Variants in TMEM163 observed in about 807,000 individuals in gnomAD.
The protein encoded by TMEM163 is transmembrane protein 163.
TMEM163 carries 17 observed loss-of-function variants against 29.3 expected under a neutral mutation model. That is an observed-to-expected ratio of 0.58 (90% CI 0.40 to 0.87). The LOEUF is 0.87. Ranked by LOEUF, TMEM163 falls within the 40% of genes least tolerant of loss-of-function variation. The pLI is 0.00. For synonymous variants in TMEM163, 157 were observed against 160.6 expected (o/e 0.98, Z 0.17); for missense variants, 303 against 381.5 (o/e 0.79, Z 1.71).
intron 4 of TMEM163, among the ~76,000 whole-genome samples, chr2:134,546,089 T>TA: frequency 6.6e-6 from 1 of 152,206 alleles, no homozygotes; most frequent in Middle Eastern, 3.4e-3. Context: ...ATTTGGAACT[T>TA]AAAAAAACTA....
intron 2 of TMEM163, among the ~76,000 whole-genome samples, chr2:134,605,776 A>AT (rs1281562485): frequency 3.3e-5 from 5 of 152,274 alleles, no homozygotes; most frequent in Admixed American, 1.3e-4. Flanking sequence ...TGTGACACTG[A>AT]TTGAGTCTGA....
At chr2:134,550,468 C>A in intron 4 of TMEM163, 102 bp downstream of exon 4, 2 of 1,125,304 alleles carry the variant, frequency 1.8e-6, no homozygotes, top group Admixed American at 1.9e-5. Context: ...TTCTTCTCAT[C>A]ACTGGGACAA....
chr2:134,459,458 G>A (rs551037648), intron 6 of TMEM163, among the ~76,000 whole-genome samples: 106 of 152,122 alleles, frequency 7.0e-4, no homozygotes, highest in African/African-American at 2.3e-3. Flanking sequence ...TGGTTCTTGC[G>A]ATGTTCCTCC....
intron 2 of TMEM163, among the ~76,000 whole-genome samples, chr2:134,632,414 T>G (rs891760609): frequency 6.6e-6 from 1 of 152,252 alleles, no homozygotes; most frequent in African/African-American, 2.4e-5. Context: ...AGACATGGGA[T>G]GGACTGCAGT....
At chr2:134,665,524 A>G (rs1385907036) in intron 2 of TMEM163, among the ~76,000 whole-genome samples, 1 of 152,192 alleles carries the variant, frequency 6.6e-6, no homozygotes, top group Non-Finnish European at 1.5e-5. Flanking sequence ...CAGCCCAACC[A>G]TATCAACATC....
At chr2:134,483,458 C>T (rs1679244031) in intron 5 of TMEM163, among the ~76,000 whole-genome samples, 2 of 152,174 alleles carry the variant, frequency 1.3e-5, no homozygotes, top group South Asian at 4.1e-4. Flanking sequence ...CACCAACACC[C>T]CAGTATCAAA....
chr2:134,583,368 C>G (rs1348256423), intron 2 of TMEM163, among the ~76,000 whole-genome samples: 1 of 152,154 alleles, frequency 6.6e-6, no homozygotes, highest in East Asian at 1.9e-4. Flanking sequence ...AAATAGTTCG[C>G]ATCATTATTA....
chr2:134,509,894 A>AG (rs1248943883), intron 4 of TMEM163, among the ~76,000 whole-genome samples: 1 of 152,250 alleles, frequency 6.6e-6, no homozygotes, highest in East Asian at 1.9e-4. Flanking sequence ...AGAAACTAGA[A>AG]GGCTTTGGAG....
At chr2:134,640,346 T>C (rs1683197026) in intron 2 of TMEM163, among the ~76,000 whole-genome samples, 1 of 152,100 alleles carries the variant, frequency 6.6e-6, no homozygotes, top group Non-Finnish European at 1.5e-5. Flanking sequence ...GATAAAACTT[T>C]ACCCATCAAT....
chr2:134,649,643 C>T (rs886666371), intron 2 of TMEM163, among the ~76,000 whole-genome samples: 3 of 152,026 alleles, frequency 2.0e-5, no homozygotes, highest in South Asian at 4.2e-4. Flanking sequence ...TTTTAATAAC[C>T]GAAACTTTGA....
intron 2 of TMEM163, among the ~76,000 whole-genome samples, chr2:134,572,007 G>A (rs2104785872): frequency 6.6e-6 from 1 of 152,316 alleles, no homozygotes; most frequent in South Asian, 2.1e-4. Context: ...CTACTTACTA[G>A]CTATGTTGCC....
At chr2:134,591,968 G>A (rs1205061556) in intron 2 of TMEM163, among the ~76,000 whole-genome samples, 2 of 151,804 alleles carry the variant, frequency 1.3e-5, no homozygotes, top group African/African-American at 4.8e-5. Context: ...GCTACTATGA[G>A]TGACCATGGC....
At chr2:134,575,905 G>A in intron 2 of TMEM163, among the ~76,000 whole-genome samples, 1 of 152,098 alleles carries the variant, frequency 6.6e-6, no homozygotes, top group African/African-American at 2.4e-5. Context: ...TGAGACTCCT[G>A]GGGACCCAAC....
chr2:134,659,787 T>C lies in TMEM163; in HGVS notation c.322+53413A>G, dbSNP rs762200048. Among the ~76,000 whole-genome samples the C allele has an allele frequency of 2.9e-4, 44 of 151,464 alleles. 1 individual carries two copies. The highest frequency in any genetic ancestry group is 5.3e-4 in the Non-Finnish European group (36 of 67,896). Reference sequence around the variant, plus strand: ...AGATTAACCCCATCTCTACGAAAAATTTAAAAATCAGCTGGGGGTGGTGGT... The same window carrying C: ...AGATTAACCCCATCTCTACGAAAAACTTAAAAATCAGCTGGGGGTGGTGGT... On this transcript the variant is annotated intron_variant, in intron 2 of 7. Coordinates refer to ENST00000281924, the MANE Select transcript of TMEM163 (RefSeq NM_030923.5).
At chr2:134,504,728 G>A (rs1435470211) in intron 4 of TMEM163, among the ~76,000 whole-genome samples, 1 of 152,152 alleles carries the variant, frequency 6.6e-6, no homozygotes, top group African/African-American at 2.4e-5. Flanking sequence ...GATCCACCAG[G>A]GGCAGAAGAG....
chr2:134,705,916 C>G (rs1684800787), intron 2 of TMEM163, among the ~76,000 whole-genome samples: 1 of 152,222 alleles, frequency 6.6e-6, no homozygotes, highest in Non-Finnish European at 1.5e-5. Context: ...GATGAGCCCA[C>G]CTGGGGCTCG....
intron 2 of TMEM163, among the ~76,000 whole-genome samples, chr2:134,686,151 TC>T (rs1684346543): frequency 6.6e-6 from 1 of 152,102 alleles, no homozygotes; most frequent in East Asian, 1.9e-4. Flanking sequence ...CCAGCTGCCC[TC>T]CCCACCCCAG....
At chr2:134,578,405 G>A (rs980700221) in intron 2 of TMEM163, among the ~76,000 whole-genome samples, 2 of 152,110 alleles carry the variant, frequency 1.3e-5, no homozygotes, top group South Asian at 2.1e-4. Flanking sequence ...CACTGGTCTC[G>A]CCTTTCTAGA....
At chr2:134,655,736 T>C (rs1243401175) in intron 2 of TMEM163, among the ~76,000 whole-genome samples, 1 of 142,190 alleles carries the variant, frequency 7.0e-6, no homozygotes, top group African/African-American at 2.9e-5. Flanking sequence ...GGTGCGGATG[T>C]CCTTTCTGTT....
Sources: gnomAD v4.1 joint callset for allele counts (sites outside exome capture counted in the v4.1 genomes callset) on GRCh38, gnomAD v4.1.1 for gene constraint, MANE v1.5 for transcripts, NCBI Gene and HGNC (gene_info 2026-07-23, HGNC 2026-07-21) for gene names.